Variants in NUMA1 observed in about 807,000 individuals in gnomAD.
NUMA1 encodes the protein SP-H antigen.
Under a neutral mutation model 237.1 loss-of-function variants are expected in NUMA1, and 62 were observed. The ratio of observed to expected loss-of-function variants is 0.26; its 90% CI spans 0.21 to 0.32. The LOEUF (loss-of-function observed/expected upper bound fraction) is 0.32. NUMA1 is among the 10% of genes least tolerant of loss of function. The pLI, the probability that NUMA1 is intolerant of heterozygous loss-of-function variation, is 1.00. For synonymous variants in NUMA1, 1,028 were observed against 1,066.1 expected (o/e 0.96, Z 0.70); for missense variants, 2,533 against 2,666.5 (o/e 0.95, Z 1.10).
intron 2 of NUMA1, chr11:72,049,560 A>ATGTATATATATATATATATATATATAT (rs59229987): frequency 2.4e-5 from 1 of 41,004 alleles, no homozygotes; most frequent in African/African-American, 8.5e-5. Context: ...AAATAATAAT[A>ATGTATATATATATATATATATATATAT]ATATATATAT....
chr11:72,048,655 G>A (rs1180255197), intron 2 of NUMA1, among the ~76,000 whole-genome samples: 3 of 152,164 alleles, frequency 2.0e-5, no homozygotes, highest in Non-Finnish European at 4.4e-5. Flanking sequence ...TTACAGGAGT[G>A]AGCCACCGTG....
intron 1 of NUMA1, among the ~76,000 whole-genome samples, chr11:72,075,355 G>T (rs983288269): frequency 6.6e-6 from 1 of 152,176 alleles, no homozygotes; most frequent in Admixed American, 6.5e-5. Context: ...CCTCCTTCTT[G>T]TAGCCTGGTG....
rs12291788 is a variant in NUMA1 at position 72,043,822 on chromosome 11, G to A, written c.-32-7847C>T. ...AATTAGTGTCTTTTTTAGTGTCAGA[G>A]TCCCAGCTACTCAGGAGGCTAGGGT... On this transcript the variant is annotated intron_variant, in intron 2 of 26. Transcript: ENST00000393695. Among the ~76,000 whole-genome samples, 674 of 152,198 alleles carry A rather than the reference G, an allele frequency of 4.4e-3. 7 individuals are homozygous for A. Among genetic ancestry groups the A allele is most frequent in the African/African-American group, 0.016 (645 of 41,526 alleles).
intron 13 of NUMA1, 141 bp downstream of exon 13, chr11:72,017,546 A>G (rs776623879): frequency 1.8e-6 from 2 of 1,084,144 alleles, no homozygotes; most frequent in Admixed American, 3.4e-5. Context: ...TGAAGCCCAC[A>G]ATCTTTCAAT....
In NUMA1 at chr11:72,014,841, C is replaced by T; in HGVS notation, c.2662G>A (p.Val888Ile). The T allele has an allele frequency of 6.2e-7, 1 of 1,614,212 alleles. No individual in the cohort carries two copies. Among genetic ancestry groups the T allele is most frequent in the Non-Finnish European group, 8.5e-7 (1 of 1,180,042 alleles). ...TGGGCCCTGACTTCCTTCTCTTGGA[C>T]CTGCTGGAGTGCTCTGGCCAGGTTG... ...HANLARALQQ[V>I]QEKEVRAQKL... Residue 888 changes from valine to isoleucine, a missense_variant, in exon 15 of 27, where the codon GTC (valine) becomes ATC (isoleucine). Coordinates refer to ENST00000393695, the MANE Select transcript of NUMA1 (RefSeq NM_006185.4). This position sits in a 1 kb window ranked among gnomAD's most constrained non-coding sequence, Gnocchi z 4.6.
At chr11:72,029,133 G>C (rs1939960244) in intron 4 of NUMA1, 72 bp downstream of exon 4, 1 of 1,110,424 alleles carries the variant, frequency 9.0e-7, no homozygotes, top group Middle Eastern at 2.9e-4. Flanking sequence ...CAAGTAAAGA[G>C]AACAAGTACA....
chr11:72,069,664 A>G (rs1224820645), intron 2 of NUMA1, among the ~76,000 whole-genome samples, 178 bp downstream of exon 2: 2 of 152,192 alleles, frequency 1.3e-5, no homozygotes, highest in African/African-American at 4.8e-5. Flanking sequence ...AGTTAGAAAA[A>G]TATCTTTATT....
chr11:72,041,293 A>C (rs533362030), intron 2 of NUMA1: 1 of 152,530 alleles, frequency 6.6e-6, no homozygotes, highest in Admixed American at 6.5e-5. Context: ...GGCTTGGTCC[A>C]CGAACAAGAA....
intron 2 of NUMA1, among the ~76,000 whole-genome samples, chr11:72,044,888 G>C (rs567741268): frequency 6.6e-6 from 1 of 151,908 alleles, no homozygotes; most frequent in Non-Finnish European, 1.5e-5. Context: ...GGCTTGTCTC[G>C]AACTCCTGAC....
At chr11:72,066,449 C>T (rs1045019476) in intron 2 of NUMA1, 10 of 152,172 alleles carry the variant, frequency 6.6e-5, no homozygotes, top group African/African-American at 2.4e-4. Context: ...AGATCCAACC[C>T]TCAAATTTCC....
intron 17 of NUMA1, 23 bp downstream of exon 17, chr11:72,010,763 A>C (rs1565199508): frequency 6.2e-7 from 1 of 1,610,794 alleles, no homozygotes; most frequent in Non-Finnish European, 8.5e-7. Context: ...CAGAGGCCAG[A>C]CCCATTCCCC....
intron 1 of NUMA1, among the ~76,000 whole-genome samples, chr11:72,078,384 A>G (rs1290267460): frequency 6.6e-6 from 1 of 152,270 alleles, no homozygotes; most frequent in Non-Finnish European, 1.5e-5. Flanking sequence ...TTCAATGGCA[A>G]TAACTGCAAT....
chr11:72,015,182 A>T lies in NUMA1; in HGVS notation c.2321T>A (p.Leu774His). ...AGTCTCAGCCTGATGGGCCTCCCCAAGCTGCTGTAATCGAGCCTCCAGCCC... is the reference window on the plus strand; with the variant it reads ...AGTCTCAGCCTGATGGGCCTCCCCATGCTGCTGTAATCGAGCCTCCAGCCC... Reference protein sequence around the residue: ...RKGLEARLQQLGEAHQAETEV... With the variant: ...RKGLEARLQQHGEAHQAETEV... The change falls in exon 15 of 27, where the codon CTT becomes CAT. Residue 774 changes from leucine to histidine, a missense_variant. By Grantham distance (99) the Leu-to-His change is moderately conservative. Around this residue, in one of 3 missense-constraint regions of NUMA1, gnomAD observed 1,414 missense variants for 1,508.1 expected, o/e 0.94. Coordinates refer to ENST00000393695, the MANE Select transcript of NUMA1 (RefSeq NM_006185.4). This position sits in a 1 kb window ranked among gnomAD's most constrained non-coding sequence, Gnocchi z 4.0. 6.2e-7 allele frequency: 1 copy of T among 1,613,500 alleles called. No homozygotes were observed. The highest frequency in any genetic ancestry group is 8.5e-7 in the Non-Finnish European group (1 of 1,180,046).
Position 72,018,426 on chromosome 11 carries a change from T to G in NUMA1, c.830A>C (p.Glu277Ala). Residue 277 changes from glutamate (E) to alanine (A), a missense_variant, in exon 11 of 27, where the codon GAG becomes GCG. Physicochemically the swap from Glu to Ala is moderately radical, Grantham distance 107. Transcript: ENST00000393695. ...ATTCTTGTCACGCAGCTCCTCAAGC[T>G]CCTTGGGCTCCAGTGGGCTGGCCGC... is the stretch of plus-strand genomic sequence containing the variant. ...KQAASPLEPKELEELRDKNES... is the reference protein window; with the variant it reads ...KQAASPLEPKALEELRDKNES... 6.2e-7 allele frequency: 1 copy of G among 1,614,114 alleles called. No individual in the cohort carries two copies. Among genetic ancestry groups the G allele is most frequent in the Non-Finnish European group, 8.5e-7 (1 of 1,180,000 alleles).
intron 2 of NUMA1, among the ~76,000 whole-genome samples, chr11:72,069,043 C>A (rs1362088137): frequency 1.3e-5 from 2 of 152,186 alleles, no homozygotes; most frequent in Non-Finnish European, 2.9e-5. Context: ...CAGTCTGAGG[C>A]AATGACACCA....
intron 16 of NUMA1, 130 bp downstream of exon 16, chr11:72,012,271 T>C: frequency 1.2e-6 from 1 of 861,106 alleles, no homozygotes; most frequent in Non-Finnish European, 1.9e-6. Flanking sequence ...CTGGATTCCA[T>C]GGCTTGACCC....
chr11:72,004,465 C>T lies in NUMA1; in HGVS notation c.6007-124G>A, dbSNP rs941288611. On this transcript the variant is annotated intron_variant, in intron 24 of 26. Coordinates refer to ENST00000393695, the MANE Select transcript of NUMA1 (RefSeq NM_006185.4). ...ACGTGCAACCTGCTCCCCTTCCCAA[C>T]TCTGGGCCAGATCCTTCCCTTCCCA... 4.9e-6 allele frequency: 6 copies of T among 1,220,194 alleles called. No homozygotes were observed. The South Asian group carries it at 5.1e-5, about 10-fold the overall frequency. 75.6% of individuals were successfully genotyped at this position (1,220,194 alleles called of 1,614,324 possible).
rs757701689 is a variant in NUMA1 at position 72,016,018 on chromosome 11, C to G, written c.1485G>C (p.Arg495=). 5 of 1,614,104 alleles carry G rather than the reference C, an allele frequency of 3.1e-6. No homozygotes were observed. In the South Asian group the frequency reaches 4.4e-5, roughly 14 times the overall value. ...LEQASQAHGA[R]LTAQVASLTS... Reference sequence around the variant, plus strand: ...TCAGAGAGGCCACCTGGGCAGTCAACCGGGCCCCATGAGCCTGGGAGGCCT... The same window carrying G: ...TCAGAGAGGCCACCTGGGCAGTCAAGCGGGCCCCATGAGCCTGGGAGGCCT... Residue 495 remains arginine, a synonymous_variant, in exon 15 of 27, where the codon CGG becomes CGC. Transcript: ENST00000393695.
chr11:72,063,459 C>G (rs767027743), intron 2 of NUMA1, among the ~76,000 whole-genome samples: 7 of 151,502 alleles, frequency 4.6e-5, no homozygotes, highest in African/African-American at 1.5e-4. Context: ...TTTGAGAGGC[C>G]GAGGCAGGAT....
Sources: gnomAD v4.1 joint callset for allele counts (sites outside exome capture counted in the v4.1 genomes callset) on GRCh38, gnomAD v4.1.1 for gene constraint, gnomAD v4.1.1 regional missense constraint, Gnocchi (gnomAD v3.1) non-coding constraint, MANE v1.5 for transcripts, NCBI Gene and HGNC (gene_info 2026-07-23, HGNC 2026-07-21) for gene names.